Variants in PTPRT observed in about 807,000 individuals in gnomAD.
The protein encoded by PTPRT is receptor-type tyrosine-protein phosphatase T.
A neutral mutation model predicts 176.8 loss-of-function variants in PTPRT; 56 were observed. The ratio of observed to expected loss-of-function variants is 0.32; its 90% CI spans 0.26 to 0.40. PTPRT has a LOEUF of 0.40. Ranked by LOEUF, PTPRT falls within the 10% of genes least tolerant of loss-of-function variation. The probability of loss-of-function intolerance (pLI) is 1.00; values close to 1 mark genes in which losing one functional copy is unlikely to be tolerated. For missense variants in PTPRT, 1,540 were observed against 1,908.2 expected, an observed-to-expected ratio of 0.81 and a Z score of 3.60; for synonymous variants, 783 against 739.0, an observed-to-expected ratio of 1.06 and a Z score of -0.96.
intron 7 of PTPRT, among the ~76,000 whole-genome samples, chr20:42,591,975 CTTTTTTTTTTT>C (rs71335866): frequency 2.0e-5 from 2 of 102,392 alleles, no homozygotes; most frequent in African/African-American, 8.3e-5. Flanking sequence ...GCTGGAGATT[CTTTTTTTTTTT>C]TTTTTTTTTT....
At chr20:42,164,734 C>T (rs1170985551) in intron 16 of PTPRT, among the ~76,000 whole-genome samples, 1 of 152,194 alleles carries the variant, frequency 6.6e-6, no homozygotes, top group Non-Finnish European at 1.5e-5. Context: ...AATTAAAAGA[C>T]GTTATGATGT....
At chr20:42,119,463 G>T (rs1490795757) in intron 20 of PTPRT, among the ~76,000 whole-genome samples, 2 of 152,150 alleles carry the variant, frequency 1.3e-5, no homozygotes, top group Admixed American at 6.5e-5. Context: ...TTCCAGAAGG[G>T]TTTGAAAGGT....
the PTPRT span, among the ~76,000 whole-genome samples, chr20:42,043,446 G>A: frequency 6.6e-6 from 1 of 152,208 alleles, no homozygotes; most frequent in African/African-American, 2.4e-5. Context: ...CTAATGGGCT[G>A]TATGCAAAAA....
chr20:43,067,937 C>T (rs1199536697), intron 1 of PTPRT, among the ~76,000 whole-genome samples: 3 of 64,710 alleles, frequency 4.6e-5, no homozygotes, highest in East Asian at 7.7e-4. Context: ...TGCATTCCAG[C>T]CTGGGTGATG....
At chr20:42,039,076 C>T in the PTPRT span, among the ~76,000 whole-genome samples, 1 of 152,176 alleles carries the variant, frequency 6.6e-6, no homozygotes, top group African/African-American at 2.4e-5. Context: ...TTTGGTTTGT[C>T]TGGGATTGAT....
intron 13 of PTPRT, among the ~76,000 whole-genome samples, chr20:42,267,435 A>G (rs975582854): frequency 2.0e-5 from 3 of 152,246 alleles, no homozygotes; most frequent in East Asian, 1.9e-4. Flanking sequence ...ACATTATATT[A>G]TTAAAATTAG....
chr20:42,692,714 A>G (rs992842246), intron 6 of PTPRT, among the ~76,000 whole-genome samples: 1 of 152,240 alleles, frequency 6.6e-6, no homozygotes, highest in Non-Finnish European at 1.5e-5. Flanking sequence ...TAAAGCTTTC[A>G]TTATTCATAG....
At chr20:42,773,669 G>A (rs970071516) in intron 4 of PTPRT, among the ~76,000 whole-genome samples, 15 of 152,080 alleles carry the variant, frequency 9.9e-5, no homozygotes, top group African/African-American at 3.6e-4. Flanking sequence ...TTTCCTTTTG[G>A]CTCTCCTGTA....
At chr20:42,578,451 A>G (rs970531605) in intron 7 of PTPRT, among the ~76,000 whole-genome samples, 1 of 152,128 alleles carries the variant, frequency 6.6e-6, no homozygotes, top group African/African-American at 2.4e-5. Context: ...CCACTGTCTC[A>G]TGTTGTCTAA....
intron 9 of PTPRT, among the ~76,000 whole-genome samples, chr20:42,421,940 C>A (rs980642730): frequency 1.3e-5 from 2 of 152,044 alleles, no homozygotes; most frequent in Non-Finnish European, 2.9e-5. Flanking sequence ...CTGACAAAAA[C>A]CAAGCAATGT....
At chr20:42,150,093 T>C (rs4407308) in intron 17 of PTPRT, among the ~76,000 whole-genome samples, 20,381 of 152,168 alleles carry the variant, frequency 0.13, 3,506 homozygotes, top group African/African-American at 0.41. Flanking sequence ...TTCTACCTGG[T>C]TCTACTGAGC....
chr20:42,521,103 A>G (rs2072167243), intron 7 of PTPRT, among the ~76,000 whole-genome samples: 1 of 151,626 alleles, frequency 6.6e-6, no homozygotes. Context: ...TACCTATCTA[A>G]CCTACCTAGT....
intron 26 of PTPRT, among the ~76,000 whole-genome samples, chr20:42,100,761 T>C (rs1177004824): frequency 6.6e-6 from 1 of 152,206 alleles, no homozygotes; most frequent in African/African-American, 2.4e-5. Flanking sequence ...CATGCGCTCA[T>C]TGACTTTAGA....
chr20:42,969,965 A>G (rs1982526361), intron 1 of PTPRT, among the ~76,000 whole-genome samples: 1 of 152,218 alleles, frequency 6.6e-6, no homozygotes, highest in African/African-American at 2.4e-5. Flanking sequence ...ATGAGGAAAC[A>G]GGCTCAGAAA....
At chr20:42,904,946 C>A (rs2079454767) in intron 1 of PTPRT, among the ~76,000 whole-genome samples, 1 of 152,264 alleles carries the variant, frequency 6.6e-6, no homozygotes, top group South Asian at 2.1e-4. Flanking sequence ...AAATGTTAGA[C>A]CTAAAACCAT....
chr20:42,663,870 A>G (rs992428146), intron 7 of PTPRT, among the ~76,000 whole-genome samples: 1 of 152,164 alleles, frequency 6.6e-6, no homozygotes, highest in Non-Finnish European at 1.5e-5. Flanking sequence ...CTACTCTCCA[A>G]TCGTTGGTGC....
At chr20:42,791,171 T>C (rs1196334131) in intron 3 of PTPRT, 24 bp downstream of exon 3, 2 of 1,542,728 alleles carry the variant, frequency 1.3e-6, no homozygotes, top group African/African-American at 2.8e-5. Flanking sequence ...TTTTCAAAAA[T>C]AAAACCATGG....
chr20:42,239,508 C>T (rs1174809705), intron 14 of PTPRT, among the ~76,000 whole-genome samples: 1 of 149,746 alleles, frequency 6.7e-6, no homozygotes, highest in East Asian at 2.0e-4. Flanking sequence ...CTGCAAGCTC[C>T]ACCTCCCGGG....
intron 6 of PTPRT, among the ~76,000 whole-genome samples, chr20:42,733,156 A>T (rs1015422160): frequency 6.6e-6 from 1 of 152,160 alleles, no homozygotes; most frequent in African/African-American, 2.4e-5. Flanking sequence ...ATGGGGTTTA[A>T]CCACCTGCCC....
Sources: allele counts gnomAD v4.1 joint callset (sites outside exome capture counted in the v4.1 genomes callset), GRCh38; gene constraint gnomAD v4.1.1; transcripts MANE v1.5; gene names NCBI Gene and HGNC (gene_info 2026-07-23, HGNC 2026-07-21).